The following SLC32A1 variants were observed in gnomAD, a reference collection of about 807,000 sequenced individuals.
SLC32A1 encodes the protein solute carrier family 32 member 1, also known as vesicular inhibitory amino acid transporter.
SLC32A1 carries 8 observed loss-of-function variants against 35.5 expected under a neutral mutation model. That is an observed-to-expected ratio of 0.23 (90% CI 0.13 to 0.41). The LOEUF is 0.41. Among genes scored for constraint, SLC32A1 ranks in the 10% least tolerant of loss-of-function variants. The pLI, the probability that SLC32A1 is intolerant of heterozygous loss-of-function variation, is 1.00. For missense variants in SLC32A1, 493 were observed against 722.3 expected (o/e 0.68, Z 3.64); for synonymous variants, 317 against 326.3 (o/e 0.97, Z 0.31).
At position 38,728,778 on chromosome 20, in the gene SLC32A1, T is replaced by G; in HGVS notation, c.*139T>G. 1.4e-5 allele frequency: 5 copies of G among 355,474 alleles called. No homozygotes were observed. The highest frequency in any genetic ancestry group is 2.7e-5 in the Non-Finnish European group (5 of 186,156). The allele number at this position is 355,474 out of a possible 1,614,324, so 22.0% of individuals were successfully genotyped here. A position where few individuals can be genotyped will look rare whatever the true frequency, so the allele number is the denominator to read the frequency against. ...TCTCTGGTTCCTAGTTTCTGATTAT[T>G]CGGGGATGGGGGGGATGGGAGGGGA... is the stretch of plus-strand genomic sequence containing the variant. On this transcript the variant is annotated 3_prime_UTR_variant, in exon 2 of 2. Transcript: ENST00000217420.
Position 38,728,702 on chromosome 20 carries a change from C to T in SLC32A1, c.*63C>T. ...CTCCCTTCTCCCCTCACCCCGCCCCCACCAGCCCAGTGCGCCCTGCCGCCG... is the reference window on the plus strand; with the variant it reads ...CTCCCTTCTCCCCTCACCCCGCCCCTACCAGCCCAGTGCGCCCTGCCGCCG... On this transcript the variant is annotated 3_prime_UTR_variant, in exon 2 of 2. Transcript: ENST00000217420. 3 of 1,460,024 alleles carry T rather than the reference C, an allele frequency of 2.1e-6. No individual in the cohort carries two copies. The highest frequency in any genetic ancestry group is 2.6e-5 in the South Asian group (2 of 75,482). 90.4% of individuals were successfully genotyped at this position (1,460,024 alleles called of 1,614,324 possible). A position where few individuals can be genotyped will look rare whatever the true frequency, so the allele number is the denominator to read the frequency against.
intron 1 of SLC32A1, 31 bp downstream of exon 1, chr20:38,725,145 C>T (rs376441922): frequency 6.7e-7 from 1 of 1,503,752 alleles, no homozygotes; most frequent in Non-Finnish European, 8.9e-7. Context: ...TCTGCCTGTC[C>T]TCCCCCCTCC....
In SLC32A1 at chr20:38,727,473, C is replaced by A; in HGVS notation, c.412C>A (p.Pro138Thr). The A allele has an allele frequency of 6.2e-7, 1 of 1,608,962 alleles. No homozygotes were observed. Among genetic ancestry groups the A allele is most frequent in the Non-Finnish European group, 8.5e-7 (1 of 1,179,998 alleles). Residue 138 changes from proline to threonine, a missense_variant, in exon 2 of 2, where the codon CCC (proline) becomes ACC (threonine). Coordinates refer to ENST00000217420, the MANE Select transcript of SLC32A1 (RefSeq NM_080552.3). ...ACAGGGCATGTTCGTGCTGGGCCTA[C>A]CCTACGCCATCCTGCACGGCGGCTA... ...AIQGMFVLGL[P>T]YAILHGGYLG... is the part of the protein sequence containing the mutation.
In SLC32A1 at chr20:38,726,773, C is replaced by G. The variant is rs1194580233; in HGVS notation, c.391-679C>G. On this transcript the variant is annotated intron_variant, in intron 1 of 1. Coordinates refer to ENST00000217420, the MANE Select transcript of SLC32A1 (RefSeq NM_080552.3). The surrounding 1 kb of genome is among the most constrained non-coding windows in gnomAD (Gnocchi z 4.7). ...AATTTCCAGCCCTGCTTCCTCCTCC[C>G]CGCGCGCTGCTCCCCAAGCGTCTTC... Among the ~76,000 whole-genome samples, 1 of 152,160 alleles carries G rather than the reference C, an allele frequency of 6.6e-6. No individual in the cohort carries two copies. The highest frequency in any genetic ancestry group is 1.5e-5 in the Non-Finnish European group (1 of 68,030).
chr20:38,725,258 C>CAGGG, intron 1 of SLC32A1, 144 bp downstream of exon 1: 1 of 1,097,506 alleles, frequency 9.1e-7, no homozygotes. Flanking sequence ...CCCTCCCAGC[C>CAGGG]CTGCGCGGGG....
At chr20:38,725,647 A>T (rs915896500) in intron 1 of SLC32A1, among the ~76,000 whole-genome samples, 4 of 152,120 alleles carry the variant, frequency 2.6e-5, no homozygotes, top group Non-Finnish European at 5.9e-5. Flanking sequence ...CACGACATGT[A>T]TCTATATATA....
chr20:38,725,298 C>T (rs917494935), intron 1 of SLC32A1, among the ~76,000 whole-genome samples, 184 bp downstream of exon 1: 1 of 152,222 alleles, frequency 6.6e-6, no homozygotes, highest in Non-Finnish European at 1.5e-5. Flanking sequence ...GTTTTCCGCC[C>T]TAACCCACGC....
At position 38,727,979 on chromosome 20, in the gene SLC32A1, C is replaced by T; in HGVS notation, c.918C>T (p.Phe306=). The T allele has an allele frequency of 1.2e-6, 2 of 1,614,132 alleles. No individual in the cohort carries two copies. Among genetic ancestry groups the T allele is most frequent in the South Asian group, 2.2e-5 (2 of 91,086 alleles). The change falls in exon 2 of 2, where the codon TTC becomes TTT. Residue 306 remains phenylalanine, a synonymous_variant. Coordinates refer to ENST00000217420, the MANE Select transcript of SLC32A1 (RefSeq NM_080552.3). ...AGTTCTACATCGACGTCAAGAAGTT[C>T]CCCATCTCCATTGGCATCATCGTGT... is the stretch of plus-strand genomic sequence containing the variant. ...KVKFYIDVKK[F]PISIGIIVFS...
rs374077838 is a variant in SLC32A1, at chr20:38,727,514, C to T, written c.453C>T (p.Leu151=). The T allele has an allele frequency of 2.5e-6, 4 of 1,609,192 alleles. No homozygotes were observed. Among genetic ancestry groups the T allele is most frequent in the Non-Finnish European group, 3.4e-6 (4 of 1,180,022 alleles). Residue 151 remains leucine, a synonymous_variant, in exon 2 of 2, where the codon CTC becomes CTT. Coordinates refer to ENST00000217420, the MANE Select transcript of SLC32A1 (RefSeq NM_080552.3). ...ACGGCGGCTACCTGGGGTTGTTTCT[C>T]ATCATCTTCGCCGCCGTTGTGTGCT... ...ILHGGYLGLF[L]IIFAAVVCCY... is the part of the protein sequence containing the mutation.
In SLC32A1 at chr20:38,726,294, G is replaced by A. The variant is rs1178776878; in HGVS notation, c.391-1158G>A. On this transcript the variant is annotated intron_variant, in intron 1 of 1. Coordinates refer to ENST00000217420, the MANE Select transcript of SLC32A1 (RefSeq NM_080552.3). The surrounding 1 kb of genome is among the most constrained non-coding windows in gnomAD (Gnocchi z 4.7). ...AGAGGCCTCCCAGGGGTTGTTCCATGTATCGGGGTAAGCAGGACTCCACCG... is the reference window on the plus strand; with the variant it reads ...AGAGGCCTCCCAGGGGTTGTTCCATATATCGGGGTAAGCAGGACTCCACCG... Among the ~76,000 whole-genome samples the A allele has an allele frequency of 4.7e-4, 72 of 152,036 alleles. No homozygotes were observed. Among genetic ancestry groups the A allele is most frequent in the Non-Finnish European group, 5.9e-5 (4 of 67,992 alleles).
chr20:38,728,629 C>T lies in SLC32A1; in HGVS notation c.1568C>T (p.Ala523Val). The T allele has an allele frequency of 6.2e-7, 1 of 1,603,400 alleles. No individual in the cohort carries two copies. Among genetic ancestry groups the T allele is most frequent in the Middle Eastern group, 1.7e-4 (1 of 6,010 alleles). The change falls in exon 2 of 2, where the codon GCG becomes GTG. Residue 523 changes from alanine to valine, a missense_variant. Around this residue, in one of 4 missense-constraint regions of SLC32A1, gnomAD observed 269 missense variants for 445.6 expected, o/e 0.60. Transcript: ENST00000217420. ...EGLIEAYRTN[A>V]ED ...CTCATCGAAGCCTACCGAACCAACG[C>T]GGAGGACTAGGGCGCAAGGGCGAGC... is the stretch of plus-strand genomic sequence containing the variant.
chr20:38,727,165 C>T (rs1025431643), intron 1 of SLC32A1, among the ~76,000 whole-genome samples: 33 of 152,152 alleles, frequency 2.2e-4, no homozygotes, highest in African/African-American at 7.7e-4. Context: ...CAGCCCTCTC[C>T]CACCCTAGCC....
At position 38,727,616 on chromosome 20, in the gene SLC32A1, G is replaced by C; in HGVS notation, c.555G>C (p.Ser185=). The change falls in exon 2 of 2, where the codon TCG becomes TCC. Residue 185 remains serine (S), a synonymous_variant. Coordinates refer to ENST00000217420, the MANE Select transcript of SLC32A1 (RefSeq NM_080552.3). ...EDGEVVRVRD[S]YVAIANACCA... Reference sequence around the variant, plus strand: ...GCGAGGTGGTGCGCGTGCGGGACTCGTACGTGGCCATAGCCAACGCCTGCT... The same window carrying C: ...GCGAGGTGGTGCGCGTGCGGGACTCCTACGTGGCCATAGCCAACGCCTGCT... 1.9e-6 allele frequency: 3 copies of C among 1,613,418 alleles called. No individual in the cohort carries two copies. The highest frequency in any genetic ancestry group is 2.5e-6 in the Non-Finnish European group (3 of 1,180,040).
At position 38,727,575 on chromosome 20, in the gene SLC32A1, G is replaced by A. The variant is rs764847103; in HGVS notation, c.514G>A (p.Glu172Lys). The change falls in exon 2 of 2, where the codon GAG becomes AAG. Residue 172 changes from glutamate (E) to lysine (K), a missense_variant. Around this residue, in one of 4 missense-constraint regions of SLC32A1, gnomAD observed 46 missense variants for 39.7 expected, o/e 1.16. Coordinates refer to ENST00000217420, the MANE Select transcript of SLC32A1 (RefSeq NM_080552.3). ...CAAGATCCTCATCGCGTGCCTGTAC[G>A]AGGAGAATGAAGACGGCGAGGTGGT... is the stretch of plus-strand genomic sequence containing the variant. ...TGKILIACLY[E>K]ENEDGEVVRV... 3 of 1,611,190 alleles carry A rather than the reference G, an allele frequency of 1.9e-6. No homozygotes were observed. Among genetic ancestry groups the A allele is most frequent in the Non-Finnish European group, 2.5e-6 (3 of 1,180,036 alleles).
At position 38,727,730 on chromosome 20, in the gene SLC32A1, G is replaced by A. The variant is rs1350763976; in HGVS notation, c.669G>A (p.Val223=). 6 of 1,614,216 alleles carry A rather than the reference G, an allele frequency of 3.7e-6. No homozygotes were observed. The highest frequency in any genetic ancestry group is 1.1e-5 in the South Asian group (1 of 91,084). Residue 223 remains valine (V), a synonymous_variant, in exon 2 of 2, where the codon GTG becomes GTA. Transcript: ENST00000217420. Reference sequence around the variant, plus strand: ...TGATGACGTGCATCCTGTACGTGGTGGTGAGTGGCAACCTCATGTACAACA... The same window carrying A: ...TGATGACGTGCATCCTGTACGTGGTAGTGAGTGGCAACCTCATGTACAACA... ...ELVMTCILYV[V]VSGNLMYNSF... is the part of the protein sequence containing the mutation.
intron 1 of SLC32A1, among the ~76,000 whole-genome samples, chr20:38,725,887 G>A (rs1396658382): frequency 6.6e-6 from 1 of 152,152 alleles, no homozygotes; most frequent in Non-Finnish European, 1.5e-5. Context: ...AACACATTTA[G>A]TCCGCAATAA....
chr20:38,725,417 G>C (rs2084271636), intron 1 of SLC32A1, among the ~76,000 whole-genome samples: 1 of 152,218 alleles, frequency 6.6e-6, no homozygotes, highest in Admixed American at 6.5e-5. Flanking sequence ...AGCAGGAAGC[G>C]ATGAGAAAGA....
rs994194982 is a variant in SLC32A1, at chr20:38,727,341, A to C, written c.391-111A>C. 2.9e-6 allele frequency: 3 copies of C among 1,022,638 alleles called. No homozygotes were observed. In the African/African-American group the frequency reaches 4.8e-5, roughly 16 times the overall value. 63.3% of individuals were successfully genotyped at this position (1,022,638 alleles called of 1,614,324 possible). ...CCCCGGCGGCTCAGACCCAATTCTC[A>C]GTGTCCTTAGCGCCCCCTTCGGGCC... is the stretch of plus-strand genomic sequence containing the variant. On this transcript the variant is annotated intron_variant, in intron 1 of 1. Transcript: ENST00000217420.
chr20:38,728,198 C>G lies in SLC32A1; in HGVS notation c.1137C>G (p.Arg379=). 6.2e-7 allele frequency: 1 copy of G among 1,614,202 alleles called. No homozygotes were observed. The highest frequency in any genetic ancestry group is 8.5e-7 in the Non-Finnish European group (1 of 1,180,032). The change falls in exon 2 of 2, where the codon CGC becomes CGG. Residue 379 remains arginine, a synonymous_variant. Transcript: ENST00000217420. The part of the protein sequence containing the change: ...VITDNLPGSI[R]AVVNIFLVAK... Reference sequence around the variant, plus strand: ...CGGATAACCTGCCCGGCTCCATCCGCGCCGTGGTCAACATCTTTCTGGTGG... The same window carrying G: ...CGGATAACCTGCCCGGCTCCATCCGGGCCGTGGTCAACATCTTTCTGGTGG...
Sources: gnomAD v4.1 joint callset for allele counts (sites outside exome capture counted in the v4.1 genomes callset) on GRCh38, gnomAD v4.1.1 for gene constraint, gnomAD v4.1.1 regional missense constraint, Gnocchi (gnomAD v3.1) non-coding constraint, MANE v1.5 for transcripts, NCBI Gene and HGNC (gene_info 2026-07-23, HGNC 2026-07-21) for gene names.